The following KDM6B variants were observed in gnomAD, a reference collection of about 807,000 sequenced individuals.
The protein encoded by KDM6B is lysine demethylase 6B.
In KDM6B, 22 loss-of-function variants were observed where a neutral mutation model predicts 150.4. That is an observed-to-expected ratio of 0.15 (90% CI 0.10 to 0.21). The LOEUF is 0.21. Among genes scored for constraint, KDM6B ranks in the 10% least tolerant of loss-of-function variants. The pLI, the probability that KDM6B is intolerant of heterozygous loss-of-function variation, is 1.00. For synonymous variants in KDM6B, 1,148 were observed against 921.1 expected, an observed-to-expected ratio of 1.25 and a Z score of -4.46; for missense variants, 1,984 against 2,234.3, an observed-to-expected ratio of 0.89 and a Z score of 2.26.
At chr17:7,852,373 C>T (rs773148104) in intron 20 of KDM6B, 37 bp downstream of exon 20, 2 of 1,598,446 alleles carry the variant, frequency 1.3e-6, no homozygotes, top group East Asian at 2.3e-5. Flanking sequence ...TGGTGTGGCG[C>T]CTCAGCGGCA....
intron 20 of KDM6B, 64 bp downstream of exon 20, chr17:7,852,400 GGGC>G: frequency 7.8e-7 from 1 of 1,289,962 alleles, no homozygotes. Context: ...TGGGAGGCTG[GGGC>G]TTGGAGAGCC....
At position 7,847,358 on chromosome 17, in the gene KDM6B, C is replaced by T. The variant is rs377179034; in HGVS notation, c.1163C>T (p.Ser388Phe). 6.2e-7 allele frequency: 1 copy of T among 1,612,576 alleles called. No individual in the cohort carries two copies. The highest frequency in any genetic ancestry group is 8.5e-7 in the Non-Finnish European group (1 of 1,179,972). ...ATTACVPYAP[S>F]RPPGLPGTTT... The stretch of plus-strand genomic sequence containing the variant: ...ACCGCCTGCGTGCCTTACGCCCCTT[C>T]CCGGCCCCCTGGCCTCCCCGGCACC... The change falls in exon 11 of 24, where the codon TCC (serine) becomes TTC (phenylalanine). Residue 388 changes from serine to phenylalanine, a missense_variant. Ser to Phe is a radical substitution (Grantham distance 155). Around this residue, in one of 13 missense-constraint regions of KDM6B, gnomAD observed 1,379 missense variants for 1,275.6 expected, o/e 1.08. Transcript: ENST00000448097.
chr17:7,846,084 C>G lies in KDM6B; in HGVS notation c.243C>G (p.Pro81=). The G allele has an allele frequency of 6.2e-7, 1 of 1,609,978 alleles. No homozygotes were observed. Among genetic ancestry groups the G allele is most frequent in the Non-Finnish European group, 8.5e-7 (1 of 1,178,622 alleles). ...CACCCCTTCTGCTCTGTAGGGCGCC[C>G]ACTCCAAGACCCCTCCATGGGAAGC... The part of the protein sequence containing the change: ...PSKPYYAPGA[P]TPRPLHGKLE... Residue 81 remains proline, a synonymous_variant, in exon 7 of 24, where the codon CCC becomes CCG. Coordinates refer to ENST00000448097, the MANE Select transcript of KDM6B (RefSeq NM_001348716.2).
At chr17:7,851,905 C>A in intron 18 of KDM6B, 46 bp from the exon 19 acceptor site, 1 of 1,605,602 alleles carries the variant, frequency 6.2e-7, no homozygotes, top group Non-Finnish European at 8.5e-7. Flanking sequence ...TCGGGGATCG[C>A]AGTTCCGACC....
At chr17:7,845,770 G>A in intron 5 of KDM6B, 79 bp downstream of exon 5, 1 of 1,606,634 alleles carries the variant, frequency 6.2e-7, no homozygotes. Context: ...TTCTCCATGG[G>A]TTCCTGTCAT....
At position 7,848,877 on chromosome 17, in the gene KDM6B, C is replaced by T. The variant is rs986320863; in HGVS notation, c.2589C>T (p.Pro863=). 3 of 1,609,046 alleles carry T rather than the reference C, an allele frequency of 1.9e-6. No homozygotes were observed. Among genetic ancestry groups the T allele is most frequent in the Non-Finnish European group, 2.5e-6 (3 of 1,177,506 alleles). ...CTAGCGCCCAGGGCTCCCCACAGCC[C>T]TCTGCTTCCTCGTCATCTCAGTTCT... The part of the protein sequence containing the change: ...AAPSAQGSPQ[P]SASSSSQFST... Residue 863 remains proline (P), a synonymous_variant, in exon 12 of 24, where the codon CCC becomes CCT. Transcript: ENST00000448097.
Position 7,853,072 on chromosome 17 carries a change from C to T in KDM6B, c.4683C>T (p.Ile1561=). ...RESLVRAGKK[I]AYQGRVKDEP... ...GCCTGGTGCGGGCAGGGAAGAAAAT[C>T]GCTTACCAGGGCCGTGTCAAGGACG... Residue 1561 remains isoleucine, a synonymous_variant, in exon 22 of 24, where the codon ATC becomes ATT. Transcript: ENST00000448097. 1 of 1,614,120 alleles carries T rather than the reference C, an allele frequency of 6.2e-7. No homozygotes were observed. Among genetic ancestry groups the T allele is most frequent in the South Asian group, 1.1e-5 (1 of 91,060 alleles).
Position 7,853,662 on chromosome 17 carries a change from CTTAA to C in KDM6B, c.*144_*147del. On this transcript the variant is annotated 3_prime_UTR_variant, in exon 24 of 24. Coordinates refer to ENST00000448097, the MANE Select transcript of KDM6B (RefSeq NM_001348716.2). ...TCCACCCCATTGGCAGCTCCCCTCA[CTTAA>C]TTTATTAAGAAAAACTTTTTTTTTT... 1.4e-5 allele frequency: 6 copies of C among 436,838 alleles called. No individual in the cohort carries two copies. The highest frequency in any genetic ancestry group is 2.2e-5 in the Non-Finnish European group (6 of 274,836). The allele number at this position is 436,838 out of a possible 1,614,324, so 27.1% of individuals were successfully genotyped here.
At chr17:7,852,748 C>T in intron 21 of KDM6B, 112 bp downstream of exon 21, 3 of 1,486,010 alleles carry the variant, frequency 2.0e-6, no homozygotes, top group South Asian at 1.1e-5. Flanking sequence ...CTGCCTGTGC[C>T]CCGAGTGTTA....
intron 1 of KDM6B, among the ~76,000 whole-genome samples, 67 bp downstream of exon 1, chr17:7,834,417 T>C (rs918204514): frequency 6.6e-6 from 1 of 151,964 alleles, no homozygotes; most frequent in Non-Finnish European, 1.5e-5. Flanking sequence ...GCAGGACGCC[T>C]GAGTCTCTGG....
chr17:7,846,371 G>GGGCCGGC, intron 7 of KDM6B, 29 bp from the exon 8 acceptor site: 10 of 1,488,844 alleles, frequency 6.7e-6, no homozygotes, highest in Non-Finnish European at 8.3e-6. Context: ...CCTGACATCT[G>GGGCCGGC]CCCCTGCCCC....
At position 7,847,258 on chromosome 17, in the gene KDM6B, C is replaced by T. The variant is rs1442672685; in HGVS notation, c.1063C>T (p.Pro355Ser). 1.1e-5 allele frequency: 18 copies of T among 1,603,324 alleles called. No homozygotes were observed. The highest frequency in any genetic ancestry group is 2.2e-5 in the South Asian group (2 of 91,068). The change falls in exon 11 of 24, where the codon CCC becomes TCC. Residue 355 changes from proline (P) to serine (S), a missense_variant. By Grantham distance (74) the Pro-to-Ser change is moderately conservative (BLOSUM62 -1). Coordinates refer to ENST00000448097, the MANE Select transcript of KDM6B (RefSeq NM_001348716.2). Reference sequence around the variant, plus strand: ...CCATGGCTGCCTGCCTGCCACCCGTCCCCCCGGAAGTGACCTTAGAGAGAG... The same window carrying T: ...CCATGGCTGCCTGCCTGCCACCCGTTCCCCCGGAAGTGACCTTAGAGAGAG... ...ESHGCLPATR[P>S]PGSDLRESRV...
intron 7 of KDM6B, 26 bp from the exon 8 acceptor site, chr17:7,846,374 C>A: frequency 1.6e-6 from 1 of 638,990 alleles, no homozygotes; most frequent in South Asian, 1.5e-5. Context: ...GACATCTGCC[C>A]CTGCCCCGTG....
chr17:7,845,056 C>G (rs2078503718), intron 3 of KDM6B, 36 bp downstream of exon 3: 1 of 228,610 alleles, frequency 4.4e-6, no homozygotes, highest in Non-Finnish European at 9.0e-6. Flanking sequence ...GGCCCAGTGG[C>G]TCCGGACTGG....
chr17:7,847,489 G>A lies in KDM6B; in HGVS notation c.1257+37G>A, dbSNP rs182941764. 40 of 1,613,456 alleles carry A rather than the reference G, an allele frequency of 2.5e-5. No individual in the cohort carries two copies. The Middle Eastern group carries it at 6.6e-4, about 27-fold the overall frequency. On this transcript the variant is annotated intron_variant, in intron 11 of 23. Coordinates refer to ENST00000448097, the MANE Select transcript of KDM6B (RefSeq NM_001348716.2). ...CTGAGGGTGGAGGGGGGGATGGGTG[G>A]AGCTTGTCTTGAGGCAGCCCGAGCA...
chr17:7,852,876 A>C, intron 21 of KDM6B, 124 bp from the exon 22 acceptor site: 1 of 1,381,034 alleles, frequency 7.2e-7, no homozygotes, highest in Non-Finnish European at 1.0e-6. Context: ...GATGTGACCT[A>C]GACATGAAGC....
chr17:7,834,475 G>C (rs1358949327), intron 1 of KDM6B, among the ~76,000 whole-genome samples, 125 bp downstream of exon 1: 1 of 152,078 alleles, frequency 6.6e-6, no homozygotes, highest in Non-Finnish European at 1.5e-5. Context: ...AGGGCACTGG[G>C]AAGAAGACTG....
At position 7,843,626 on chromosome 17, in the gene KDM6B, C is replaced by G. The variant is rs1389157272; in HGVS notation, c.-268-1275C>G. Among the ~76,000 whole-genome samples, 1 of 152,192 alleles carries G rather than the reference C, an allele frequency of 6.6e-6. No individual in the cohort carries two copies. Among genetic ancestry groups the G allele is most frequent in the East Asian group, 1.9e-4 (1 of 5,188 alleles). Reference sequence around the variant, plus strand: ...GCGAACTTTCCAGCCACCCCCAGCCCCTCGTCGCGCACTCTCCCCCGGCTT... The same window carrying G: ...GCGAACTTTCCAGCCACCCCCAGCCGCTCGTCGCGCACTCTCCCCCGGCTT... On this transcript the variant is annotated intron_variant, in intron 2 of 23. Coordinates refer to ENST00000448097, the MANE Select transcript of KDM6B (RefSeq NM_001348716.2). The surrounding 1 kb of genome is among the most constrained non-coding windows in gnomAD (Gnocchi z 4.5).
At chr17:7,834,940 C>T (rs1311130308) in intron 1 of KDM6B, among the ~76,000 whole-genome samples, 2 of 152,064 alleles carry the variant, frequency 1.3e-5, no homozygotes, top group South Asian at 4.2e-4. Flanking sequence ...TAGTCCTTCT[C>T]CCACTCCGCC....
Sources: allele counts gnomAD v4.1 joint callset (sites outside exome capture counted in the v4.1 genomes callset), GRCh38; gene constraint gnomAD v4.1.1; regional missense constraint gnomAD v4.1.1; non-coding constraint Gnocchi (gnomAD v3.1); transcripts MANE v1.5; gene names NCBI Gene and HGNC (gene_info 2026-07-23, HGNC 2026-07-21).